Variants in EHMT2 observed in about 807,000 individuals in gnomAD.
EHMT2 encodes euchromatic histone lysine methyltransferase 2.
Under a neutral mutation model 143.3 loss-of-function variants are expected in EHMT2, and 59 were observed. The observed-to-expected ratio is 0.41, with a 90% confidence interval of 0.33 to 0.51. The LOEUF is 0.51. Among genes scored for constraint, EHMT2 ranks in the 20% least tolerant of loss-of-function variants. EHMT2 has a pLI of 0.18. For missense variants in EHMT2, 1,174 were observed against 1,645.9 expected (o/e 0.71, Z 4.96); for synonymous variants, 604 against 651.5 (o/e 0.93, Z 1.11).
intron 3 of EHMT2, 24 bp from the exon 4 acceptor site, chr6:31,896,540 C>T (rs972352886): frequency 1.9e-6 from 3 of 1,610,354 alleles, no homozygotes; most frequent in African/African-American, 2.7e-5. Context: ...AAGCAAAAGG[C>T]AAGATAAGAA....
At position 31,896,265 on chromosome 6, in the gene EHMT2, G is replaced by A. The variant is rs1186019394; in HGVS notation, c.580C>T (p.Gln194Ter). ...CCCATCTCTCCCATCCCACTCACCTGTCCATTTCCTGGTTTGGACATGGTT... is the reference window on the plus strand; with the variant it reads ...CCCATCTCTCCCATCCCACTCACCTATCCATTTCCTGGTTTGGACATGGTT... The change falls in exon 4 of 28, where the codon CAG becomes TAG. Residue 194 changes from glutamine to a stop codon, truncating the protein, a stop_gained and splice_region_variant. Coordinates refer to ENST00000375537, the Ensembl canonical transcript of EHMT2. LOFTEE classifies it high-confidence loss of function. 3 of 1,611,504 alleles carry A rather than the reference G, an allele frequency of 1.9e-6. No homozygotes were observed. The highest frequency in any genetic ancestry group is 2.5e-6 in the Non-Finnish European group (3 of 1,178,882).
rs1217734306 is a variant in EHMT2 at position 31,884,046 on chromosome 6, G to A, written c.2772-96C>T. Reference sequence around the variant, plus strand: ...GAGAGTTGGGGAGGTTCCTGGGGCTGGGGGCAGGGGAGTAAGGTTGCCAGG... The same window carrying A: ...GAGAGTTGGGGAGGTTCCTGGGGCTAGGGGCAGGGGAGTAAGGTTGCCAGG... On this transcript the variant is annotated intron_variant, in intron 21 of 27. Transcript: ENST00000375537. The surrounding 1 kb of genome is among the most constrained non-coding windows in gnomAD (Gnocchi z 7.3). 9 of 1,403,684 alleles carry A rather than the reference G, an allele frequency of 6.4e-6. No individual in the cohort carries two copies. In the African/African-American group the frequency reaches 1.3e-4, roughly 20 times the overall value. 87.0% of individuals were successfully genotyped at this position (1,403,684 alleles called of 1,614,324 possible).
intron 4 of EHMT2, chr6:31,895,383 CTTTT>C (rs879725771): frequency 6.7e-6 from 1 of 148,746 alleles, no homozygotes; most frequent in African/African-American, 2.5e-5. Flanking sequence ...AAATTTTTAT[CTTTT>C]TTTTTTTCTT....
In EHMT2 at chr6:31,888,556, G is replaced by T; in HGVS notation, c.1365+43C>A. On this transcript the variant is annotated intron_variant, in intron 11 of 27. Coordinates refer to ENST00000375537, the Ensembl canonical transcript of EHMT2. The surrounding 1 kb of genome is among the most constrained non-coding windows in gnomAD (Gnocchi z 7.4). ...AAGAGAGCGTGAGGCTGGGGCCGGGGACTGGACGCCCTGGCACCTCTCCCA... is the reference window on the plus strand; with the variant it reads ...AAGAGAGCGTGAGGCTGGGGCCGGGTACTGGACGCCCTGGCACCTCTCCCA... 6.2e-7 allele frequency: 1 copy of T among 1,609,606 alleles called. No individual in the cohort carries two copies.
In EHMT2 at chr6:31,882,881, A is replaced by G; in HGVS notation, c.3110+13T>C. The G allele has an allele frequency of 6.2e-7, 1 of 1,612,498 alleles. No individual in the cohort carries two copies. The highest frequency in any genetic ancestry group is 1.3e-5 in the African/African-American group (1 of 74,982). On this transcript the variant is annotated intron_variant, in intron 24 of 27. Coordinates refer to ENST00000375537, the Ensembl canonical transcript of EHMT2. ...GAGGTGGGGAGAGGGTGGGCTGTGG[A>G]GCAGGGCCTCACTTGATGCCACTCT...
intron 3 of EHMT2, 24 bp downstream of exon 3, chr6:31,896,582 C>T: frequency 1.3e-6 from 2 of 1,589,646 alleles, no homozygotes; most frequent in Non-Finnish European, 1.7e-6. Flanking sequence ...TCCCACCAAC[C>T]CCCCAGGCTA....
chr6:31,888,785 C>T lies in EHMT2; in HGVS notation c.1217-38G>A, dbSNP rs774923700. ...AAAAGAGGAGCTGAGGGAGGCTCTG[C>T]ACCTCACCTACTGGGACCCCTGGCG... On this transcript the variant is annotated intron_variant, in intron 10 of 27. Transcript: ENST00000375537. The surrounding 1 kb of genome is among the most constrained non-coding windows in gnomAD (Gnocchi z 7.4). 4 of 1,606,518 alleles carry T rather than the reference C, an allele frequency of 2.5e-6. No individual in the cohort carries two copies. Among genetic ancestry groups the T allele is most frequent in the East Asian group, 2.2e-5 (1 of 44,860 alleles).
intron 4 of EHMT2, among the ~76,000 whole-genome samples, chr6:31,894,429 G>A (rs1175067233): frequency 6.6e-6 from 1 of 151,970 alleles, no homozygotes; most frequent in Admixed American, 6.6e-5. Context: ...TTACATGCGT[G>A]AGGCACCCCG....
intron 18 of EHMT2, chr6:31,885,416 AGT>A (rs1764703511): frequency 6.0e-6 from 1 of 166,726 alleles, no homozygotes; most frequent in African/African-American, 2.4e-5. Context: ...CGGAGCTTGC[AGT>A]GAGCCAAGAT....
In EHMT2 at chr6:31,884,688, G is replaced by C; in HGVS notation, c.2560C>G (p.Pro854Ala). The C allele has an allele frequency of 1.3e-6, 2 of 1,585,810 alleles. No homozygotes were observed. Among genetic ancestry groups the C allele is most frequent in the Middle Eastern group, 3.4e-4 (2 of 5,910 alleles). The change falls in exon 20 of 28, where the codon CCC becomes GCC. Residue 854 changes from proline to alanine, a missense_variant. This residue lies in a region of EHMT2 where 608 missense variants were observed against 903.7 expected (regional missense o/e 0.67). Transcript: ENST00000375537. This position sits in a 1 kb window ranked among gnomAD's most constrained non-coding sequence, Gnocchi z 7.3. ...CTCTCCCGAGCTGCGATGTGCAGGG[G>C]GGTGTCCCCATGGTAGTTGACAGCA...
Position 31,883,081 on chromosome 6 carries a change from A to T in EHMT2, c.2995-72T>A. 1 of 1,380,820 alleles carries T rather than the reference A, an allele frequency of 7.2e-7. No individual in the cohort carries two copies. The allele number at this position is 1,380,820 out of a possible 1,614,324, so 85.5% of individuals were successfully genotyped here. On this transcript the variant is annotated intron_variant, in intron 23 of 27. Transcript: ENST00000375537. The surrounding 1 kb of genome is among the most constrained non-coding windows in gnomAD (Gnocchi z 5.6). ...CAGCTGCCCACCCAGGAACCCCAAG[A>T]CTCTACAGAGACAGGGAAGTTGGGG... is the stretch of plus-strand genomic sequence containing the variant.
rs1433431105 is a variant in EHMT2, at chr6:31,886,869, T to G, written c.2147A>C (p.Lys716Thr). 3 of 1,614,098 alleles carry G rather than the reference T, an allele frequency of 1.9e-6. No homozygotes were observed. The African/African-American group carries it at 4.0e-5, about 22-fold the overall frequency. The change falls in exon 17 of 28, where the codon AAA becomes ACA. Residue 716 changes from lysine to threonine, a missense_variant. Physicochemically the swap from Lys to Thr is moderately conservative, Grantham distance 78 (BLOSUM62 -1). Coordinates refer to ENST00000375537, the Ensembl canonical transcript of EHMT2. The stretch of plus-strand genomic sequence containing the variant: ...CTCCATCAGTGGCGTCCGCTGCTGT[T>G]TGTCCACTGCATTTATGTTGGCTCC...
At chr6:31,882,739 G>T (rs552691958) in exon 25 of EHMT2, 1 of 1,612,630 alleles carries the variant, frequency 6.2e-7, no homozygotes, top group Admixed American at 1.7e-5. Context: ...TGCAGGGCGC[G>T]GACCCCCCAG....
chr6:31,883,258 C>A lies in EHMT2; in HGVS notation c.2994+104G>T. On this transcript the variant is annotated intron_variant, in intron 23 of 27. Transcript: ENST00000375537. The surrounding 1 kb of genome is among the most constrained non-coding windows in gnomAD (Gnocchi z 5.6). ...CCAGTCCTCTCAGTCACTTCCCCCA[C>A]AGGGTAGGAGGTGAGGGACATGGTC... The A allele has an allele frequency of 8.1e-7, 1 of 1,233,954 alleles. No homozygotes were observed. Among genetic ancestry groups the A allele is most frequent in the Non-Finnish European group, 1.2e-6 (1 of 862,428 alleles). 76.4% of individuals were successfully genotyped at this position (1,233,954 alleles called of 1,614,324 possible). A position where few individuals can be genotyped will look rare whatever the true frequency, so the allele number is the denominator to read the frequency against.
exon 14 of EHMT2, chr6:31,887,795 T>C: frequency 6.2e-7 from 1 of 1,602,318 alleles, no homozygotes; most frequent in Non-Finnish European, 8.5e-7. Flanking sequence ...GACTCCTGGA[T>C]GACCAGGGCC....
At chr6:31,892,853 C>T (rs755759616) in exon 5 of EHMT2, 1 of 1,602,632 alleles carries the variant, frequency 6.2e-7, no homozygotes, top group Admixed American at 1.7e-5. Flanking sequence ...AGTGAGTGGA[C>T]ATCATCACTC....
exon 4 of EHMT2, chr6:31,896,440 T>C (rs1766452013): frequency 1.9e-6 from 3 of 1,613,066 alleles, no homozygotes; most frequent in Non-Finnish European, 2.5e-6. Flanking sequence ...TTCCCGCCCC[T>C]GTCATTGACA....
At chr6:31,897,070 G>A (rs765833192) in intron 1 of EHMT2, 81 bp from the exon 2 acceptor site, 18 of 1,498,340 alleles carry the variant, frequency 1.2e-5, no homozygotes, top group Admixed American at 2.4e-5. Context: ...GCCCTGGGAA[G>A]AGAGAGTAGG....
At chr6:31,896,746 C>A (rs771527581) in exon 3 of EHMT2, 24 of 1,612,814 alleles carry the variant, frequency 1.5e-5, no homozygotes, top group Non-Finnish European at 6.8e-6. Flanking sequence ...AGATGAGGGG[C>A]CAGCAGGCTC....
Sources: gnomAD v4.1 joint callset for allele counts (sites outside exome capture counted in the v4.1 genomes callset) on GRCh38, gnomAD v4.1.1 for gene constraint, gnomAD v4.1.1 regional missense constraint, Gnocchi (gnomAD v3.1) non-coding constraint, MANE v1.5 for transcripts, NCBI Gene and HGNC (gene_info 2026-07-23, HGNC 2026-07-21) for gene names.